ITGA6: variants seen among roughly 807,000 people sequenced by gnomAD.
ITGA6 encodes the protein integrin subunit alpha 6, also known as integrin alpha-6.
Under a neutral mutation model 133.6 loss-of-function variants are expected in ITGA6, and 63 were observed. That is an observed-to-expected ratio of 0.47 (90% CI 0.38 to 0.58). ITGA6 has a LOEUF of 0.58. ITGA6 is among the 20% of genes least tolerant of loss of function. The probability of loss-of-function intolerance (pLI) is 0.00; values close to 1 mark genes in which losing one functional copy is unlikely to be tolerated. For missense variants in ITGA6, 1,068 were observed against 1,309.4 expected (o/e 0.82, Z 2.85); for synonymous variants, 434 against 482.0 (o/e 0.90, Z 1.30).
At chr2:172,445,758 G>C (rs1157879477) in intron 1 of ITGA6, among the ~76,000 whole-genome samples, 1 of 152,108 alleles carries the variant, frequency 6.6e-6, no homozygotes, top group African/African-American at 2.4e-5. Context: ...GCTGGTCTGA[G>C]GTGTTGGGAC....
chr2:172,469,315 C>A lies in ITGA6; in HGVS notation c.578C>A (p.Ala193Glu). 6.2e-7 allele frequency: 1 copy of A among 1,614,064 alleles called. No homozygotes were observed. Among genetic ancestry groups the A allele is most frequent in the Non-Finnish European group, 8.5e-7 (1 of 1,179,936 alleles). ...TTTGGCTCTTGCCAGCAAGGTGTAG[C>A]AGCTACTTTTACTAAAGACTTTCAT... Reference protein sequence around the residue: ...EKFGSCQQGVAATFTKDFHYI... With the variant: ...EKFGSCQQGVEATFTKDFHYI... Residue 193 changes from alanine (A) to glutamate (E), a missense_variant, in exon 4 of 26, where the codon GCA (alanine) becomes GAA (glutamate). By Grantham distance (107) the Ala-to-Glu change is moderately radical (BLOSUM62 -1). Coordinates refer to ENST00000684293, the MANE Select transcript of ITGA6 (RefSeq NM_000210.4).
chr2:172,503,960 A>G (rs1687454145), intron 25 of ITGA6, 131 bp from the exon 26 acceptor site: 4 of 620,166 alleles, frequency 6.4e-6, no homozygotes, highest in Admixed American at 7.9e-5. Context: ...CTTTCTTAAA[A>G]GAAAACCATG....
At chr2:172,441,761 C>T (rs774467177) in intron 1 of ITGA6, among the ~76,000 whole-genome samples, 2 of 152,004 alleles carry the variant, frequency 1.3e-5, no homozygotes, top group Non-Finnish European at 2.9e-5. Flanking sequence ...AGACCACCAT[C>T]CTCATTTCAT....
At chr2:172,498,459 T>C (rs1687220552) in intron 24 of ITGA6, among the ~76,000 whole-genome samples, 2 of 152,244 alleles carry the variant, frequency 1.3e-5, no homozygotes, top group South Asian at 4.1e-4. Flanking sequence ...AATCTGAATG[T>C]GTATCCCTGC....
chr2:172,474,991 C>A lies in ITGA6; in HGVS notation c.1049C>A (p.Ala350Glu). Residue 350 changes from alanine (A) to glutamate (E), a missense_variant, in exon 7 of 26, where the codon GCA becomes GAA. By Grantham distance (107) the Ala-to-Glu change is moderately radical. Coordinates refer to ENST00000684293, the MANE Select transcript of ITGA6 (RefSeq NM_000210.4). ...GATAGAGATGGAGAAGTTGGAGGTG[C>A]AGTGTATGTCTACATGAACCAGCAA... The part of the protein sequence containing the change: ...YFDRDGEVGG[A>E]VYVYMNQQGR... 1 of 1,582,694 alleles carries A rather than the reference C, an allele frequency of 6.3e-7. No individual in the cohort carries two copies. Among genetic ancestry groups the A allele is most frequent in the Non-Finnish European group, 8.7e-7 (1 of 1,151,238 alleles).
In ITGA6 at chr2:172,475,589, G is replaced by T. The variant is rs1353651125; in HGVS notation, c.1181-8G>T. ...TGTTAAAATGTTAAAATGTGATGTT[G>T]TCAACAGATATTGCAGTTGGAGCTC... is the stretch of plus-strand genomic sequence containing the variant. On this transcript the variant is annotated splice_polypyrimidine_tract_variant and splice_region_variant and intron_variant, in intron 7 of 25. Coordinates refer to ENST00000684293, the MANE Select transcript of ITGA6 (RefSeq NM_000210.4). 1 of 1,506,616 alleles carries T rather than the reference G, an allele frequency of 6.6e-7. No homozygotes were observed. Among genetic ancestry groups the T allele is most frequent in the African/African-American group, 1.4e-5 (1 of 72,974 alleles). 93.3% of individuals were successfully genotyped at this position (1,506,616 alleles called of 1,614,324 possible). A position where few individuals can be genotyped will look rare whatever the true frequency, so the allele number is the denominator to read the frequency against.
intron 1 of ITGA6, among the ~76,000 whole-genome samples, chr2:172,432,073 T>A (rs116077913): frequency 6.6e-6 from 1 of 152,304 alleles, no homozygotes; most frequent in African/African-American, 2.4e-5. Flanking sequence ...CATATTACTG[T>A]GGACAGTGAG....
Position 172,474,247 on chromosome 2 carries a change from T to A in ITGA6, c.968T>A (p.Val323Glu), listed in dbSNP as rs148547864. 6 of 1,613,740 alleles carry A rather than the reference T, an allele frequency of 3.7e-6. No individual in the cohort carries two copies. The African/African-American group carries it at 8.0e-5, about 22-fold the overall frequency. ...TCATTTGGCTATGATGTGGCGGTGG[T>A]GGACCTCAACAAGGATGGGTGAGAA... ...ASSFGYDVAVVDLNKDGWQDI... is the reference protein window; with the variant it reads ...ASSFGYDVAVEDLNKDGWQDI... Residue 323 changes from valine to glutamate, a missense_variant, in exon 6 of 26, where the codon GTG (valine) becomes GAG (glutamate). Val to Glu is a moderately radical substitution (Grantham distance 121). Transcript: ENST00000684293.
chr2:172,448,796 TA>T (rs1254304136), intron 1 of ITGA6, among the ~76,000 whole-genome samples: 1 of 152,204 alleles, frequency 6.6e-6, no homozygotes, highest in African/African-American at 2.4e-5. Flanking sequence ...AAGTATAATT[TA>T]AAAATAGGGT....
intron 23 of ITGA6, among the ~76,000 whole-genome samples, chr2:172,494,182 C>CA (rs548705571): frequency 2.6e-5 from 4 of 151,988 alleles, no homozygotes; most frequent in African/African-American, 4.8e-5. Context: ...CTTAAAAAAG[C>CA]AAAAAAACTT....
intron 1 of ITGA6, among the ~76,000 whole-genome samples, chr2:172,445,421 G>A (rs1352698806): frequency 1.3e-5 from 2 of 148,836 alleles, no homozygotes; most frequent in South Asian, 4.2e-4. Flanking sequence ...AGACCGAGGC[G>A]GGCAGATCAC....
chr2:172,476,585 C>A, intron 9 of ITGA6, 72 bp downstream of exon 9: 1 of 915,350 alleles, frequency 1.1e-6, no homozygotes, highest in East Asian at 2.4e-5. Flanking sequence ...ACCTTTTGGA[C>A]TGAAATTTGT....
At chr2:172,475,837 C>A in intron 8 of ITGA6, 152 bp downstream of exon 8, 1 of 625,518 alleles carries the variant, frequency 1.6e-6, no homozygotes. Context: ...CTAGAAGATA[C>A]CTTCAAAATA....
At position 172,474,190 on chromosome 2, in the gene ITGA6, A is replaced by G; in HGVS notation, c.911A>G (p.Glu304Gly). ...RDMKSAHLLP[E>G]HIFDGEGLAS... ...ATGAAGTCTGCACATCTCCTCCCTG[A>G]GCACATATTCGATGGAGAAGGTCTG... Residue 304 changes from glutamate (E) to glycine (G), a missense_variant, in exon 6 of 26, where the codon GAG becomes GGG. By Grantham distance (98) the Glu-to-Gly change is moderately conservative. Transcript: ENST00000684293. The G allele has an allele frequency of 6.2e-7, 1 of 1,614,130 alleles. No homozygotes were observed. Among genetic ancestry groups the G allele is most frequent in the South Asian group, 1.1e-5 (1 of 91,076 alleles).
intron 24 of ITGA6, among the ~76,000 whole-genome samples, chr2:172,501,348 T>G (rs1211425424): frequency 6.6e-6 from 1 of 152,248 alleles, no homozygotes; most frequent in Non-Finnish European, 1.5e-5. Flanking sequence ...TTTATTTGGA[T>G]TTGTGCTTTT....
At chr2:172,475,973 A>C (rs931258930) in intron 8 of ITGA6, among the ~76,000 whole-genome samples, 1 of 152,212 alleles carries the variant, frequency 6.6e-6, no homozygotes, top group Non-Finnish European at 1.5e-5. Context: ...AGGAAATACG[A>C]TATATTCTCT....
Position 172,494,009 on chromosome 2 carries a change from A to G in ITGA6, c.2988+2486A>G, listed in dbSNP as rs181639487. 2.8e-3 allele frequency among the ~76,000 whole-genome samples: 430 copies of G among 152,314 alleles called. 1 individual carries two copies. The highest frequency in any genetic ancestry group is 9.9e-3 in the African/African-American group (410 of 41,572). On this transcript the variant is annotated intron_variant, in intron 23 of 25. Transcript: ENST00000684293. ...GTTACTGGTCTCATATCTAGAACCC[A>G]TGTCTTTTGAAAATTGAGACATTTT...
chr2:172,462,441 G>C (rs375174718), intron 1 of ITGA6, among the ~76,000 whole-genome samples: 2 of 152,158 alleles, frequency 1.3e-5, no homozygotes, highest in Non-Finnish European at 2.9e-5. Context: ...GTCTCTTTTC[G>C]AATCTGTTGT....
intron 1 of ITGA6, among the ~76,000 whole-genome samples, chr2:172,448,303 G>A (rs1684849313): frequency 6.6e-6 from 1 of 151,988 alleles, no homozygotes; most frequent in Non-Finnish European, 1.5e-5. Flanking sequence ...GTGTAGTGAT[G>A]TCATCAAATC....
Sources: allele counts gnomAD v4.1 joint callset (sites outside exome capture counted in the v4.1 genomes callset), GRCh38; gene constraint gnomAD v4.1.1; transcripts MANE v1.5; gene names NCBI Gene and HGNC (gene_info 2026-07-23, HGNC 2026-07-21).